The following COLEC10 variants were observed in gnomAD, a reference collection of about 807,000 sequenced individuals.
The protein encoded by COLEC10 is collectin subfamily member 10.
COLEC10 carries 22 observed loss-of-function variants against 28.4 expected under a neutral mutation model. The ratio of observed to expected loss-of-function variants is 0.78; its 90% CI spans 0.55 to 1.11. The LOEUF (loss-of-function observed/expected upper bound fraction) is 1.11. COLEC10 is among the 50% of genes least tolerant of loss of function. The pLI is 0.00. For missense variants in COLEC10, 361 were observed against 344.1 expected, an observed-to-expected ratio of 1.05 and a Z score of -0.39; for synonymous variants, 125 against 116.1, an observed-to-expected ratio of 1.08 and a Z score of -0.49.
chr8:119,040,619 A>T (rs1814477653), intron 2 of COLEC10, among the ~76,000 whole-genome samples: 1 of 152,230 alleles, frequency 6.6e-6, no homozygotes. Flanking sequence ...ATCCATATAG[A>T]TATGAGATGT....
chr8:119,011,036 G>C (rs1298899792), intron 2 of COLEC10, among the ~76,000 whole-genome samples: 2 of 150,576 alleles, frequency 1.3e-5, no homozygotes, highest in Non-Finnish European at 2.9e-5. Flanking sequence ...CATGGATTTT[G>C]GCTTTGGTGT....
rs779836343 is a variant in COLEC10, at chr8:119,106,023, C to G, written c.666C>G (p.Phe222Leu). ...NDLEREGQYMFTDNTPLQNYS... is the reference protein window; with the variant it reads ...NDLEREGQYMLTDNTPLQNYS... ...TTGAAAGGGAGGGACAGTACATGTT[C>G]ACAGACAACACTCCACTGCAGAACT... The change falls in exon 6 of 6, where the codon TTC becomes TTG. Residue 222 changes from phenylalanine (F) to leucine (L), a missense_variant. Around this residue, in one of 3 missense-constraint regions of COLEC10, gnomAD observed 335 missense variants for 308.5 expected, o/e 1.09. Coordinates refer to ENST00000332843, the MANE Select transcript of COLEC10 (RefSeq NM_006438.5). 3.3e-5 allele frequency: 53 copies of G among 1,613,706 alleles called. No individual in the cohort carries two copies. The Admixed American group carries it at 8.8e-4, about 27-fold the overall frequency.
intron 1 of COLEC10, among the ~76,000 whole-genome samples, chr8:119,008,528 C>T (rs558066155): frequency 4.7e-5 from 7 of 149,500 alleles, no homozygotes; most frequent in Middle Eastern, 3.4e-3. Context: ...GGTTTGGATC[C>T]CCGACAACTC....
chr8:119,082,146 G>T (rs1815382965), intron 1 of COLEC10, among the ~76,000 whole-genome samples: 1 of 152,158 alleles, frequency 6.6e-6, no homozygotes, highest in African/African-American at 2.4e-5. Flanking sequence ...ATTAGAGCAT[G>T]ACTGTAATAT....
chr8:118,981,968 G>A, the COLEC10 span, among the ~76,000 whole-genome samples: 23 of 151,476 alleles, frequency 1.5e-4, no homozygotes, highest in East Asian at 9.7e-4. Context: ...TCTATTCTCC[G>A]TATGACTCTG....
At chr8:119,043,802 T>C (rs969996918) in intron 2 of COLEC10, among the ~76,000 whole-genome samples, 10 of 152,242 alleles carry the variant, frequency 6.6e-5, no homozygotes, top group African/African-American at 2.4e-4. Context: ...AATGTTGTTT[T>C]AGTCCAACAC....
chr8:119,076,811 C>A (rs1815247787), intron 1 of COLEC10, among the ~76,000 whole-genome samples: 1 of 152,170 alleles, frequency 6.6e-6, no homozygotes, highest in Admixed American at 6.5e-5. Flanking sequence ...CATCAGACCA[C>A]ATACTGGGTG....
chr8:118,984,688 A>C, the COLEC10 span, among the ~76,000 whole-genome samples: 5 of 152,106 alleles, frequency 3.3e-5, no homozygotes, highest in Non-Finnish European at 7.4e-5. Context: ...AACACAAAGA[A>C]TTGCCAAAAA....
intron 2 of COLEC10, among the ~76,000 whole-genome samples, chr8:119,022,881 C>T (rs1162812332): frequency 1.3e-5 from 2 of 152,092 alleles, no homozygotes; most frequent in Non-Finnish European, 1.5e-5. Context: ...CTCCATACCC[C>T]AGTTTTCCAT....
At chr8:119,094,289 A>G (rs1815668479) in intron 3 of COLEC10, among the ~76,000 whole-genome samples, 1 of 152,166 alleles carries the variant, frequency 6.6e-6, no homozygotes, top group African/African-American at 2.4e-5. Flanking sequence ...TTATATATGA[A>G]AACTACTTTA....
At chr8:118,975,182 T>A in the COLEC10 span, among the ~76,000 whole-genome samples, 1 of 152,042 alleles carries the variant, frequency 6.6e-6, no homozygotes, top group Non-Finnish European at 1.5e-5. Context: ...CGATTTACAT[T>A]TTATTAACAT....
chr8:119,061,771 T>G (rs1257213042), intron 2 of COLEC10, among the ~76,000 whole-genome samples: 2 of 151,990 alleles, frequency 1.3e-5, no homozygotes, highest in African/African-American at 4.8e-5. Flanking sequence ...AAGACGCAGA[T>G]ATCAGAAAAG....
In COLEC10 at chr8:119,106,304, A is replaced by G; in HGVS notation, c.*113A>G. The G allele has an allele frequency of 8.9e-7, 1 of 1,124,212 alleles. No homozygotes were observed. Among genetic ancestry groups the G allele is most frequent in the South Asian group, 1.6e-5 (1 of 64,316 alleles). 69.6% of individuals were successfully genotyped at this position (1,124,212 alleles called of 1,614,324 possible). On this transcript the variant is annotated 3_prime_UTR_variant, in exon 6 of 6. Transcript: ENST00000332843. The stretch of plus-strand genomic sequence containing the variant: ...TTGATCTGAGTCAACATAGCTAGAA[A>G]ATGCTAAACTGAGGTATGGAGCCTC...
chr8:119,011,063 T>C (rs6999463), intron 2 of COLEC10, among the ~76,000 whole-genome samples: 86,350 of 150,320 alleles, frequency 0.57, 26,017 homozygotes, highest in Middle Eastern at 0.69. Flanking sequence ...AAAAAGATCA[T>C]CACCAAACCT....
At chr8:119,013,831 A>G (rs1464723872) in intron 2 of COLEC10, among the ~76,000 whole-genome samples, 3 of 150,658 alleles carry the variant, frequency 2.0e-5, no homozygotes, top group Non-Finnish European at 2.9e-5. Flanking sequence ...ATCTTTCTCC[A>G]TCTATTTACT....
chr8:119,024,351 G>T (rs1814150614), intron 2 of COLEC10, among the ~76,000 whole-genome samples: 2 of 152,092 alleles, frequency 1.3e-5, no homozygotes, highest in African/African-American at 4.8e-5. Context: ...TATTTTTAGA[G>T]ATTTCCTAGT....
At chr8:118,952,515 A>G in the COLEC10 span, among the ~76,000 whole-genome samples, 3 of 152,370 alleles carry the variant, frequency 2.0e-5, no homozygotes, top group African/African-American at 7.2e-5. Context: ...TCAAGTTTAC[A>G]TAAACCATGT....
At chr8:119,004,754 G>T (rs1434456206) in intron 1 of COLEC10, among the ~76,000 whole-genome samples, 3 of 151,684 alleles carry the variant, frequency 2.0e-5, no homozygotes, top group African/African-American at 4.8e-5. Flanking sequence ...TCACCCAATT[G>T]CTCACCTGGG....
the COLEC10 span, among the ~76,000 whole-genome samples, chr8:118,987,163 C>A: frequency 6.6e-6 from 1 of 152,052 alleles, no homozygotes; most frequent in East Asian, 1.9e-4. Context: ...AAAAAACAAA[C>A]CCACACCTCG....
Sources: gnomAD v4.1 joint callset for allele counts (sites outside exome capture counted in the v4.1 genomes callset) on GRCh38, gnomAD v4.1.1 for gene constraint, gnomAD v4.1.1 regional missense constraint, MANE v1.5 for transcripts, NCBI Gene and HGNC (gene_info 2026-07-23, HGNC 2026-07-21) for gene names.